The following PDIA5 variants were observed in gnomAD, a reference collection of about 807,000 sequenced individuals.
The protein encoded by PDIA5 is protein disulfide-isomerase A5.
A neutral mutation model predicts 77.6 loss-of-function variants in PDIA5; 58 were observed. The observed-to-expected ratio is 0.75, with a 90% CI of 0.61 to 0.93. The LOEUF is 0.93. PDIA5 is among the 40% of genes least tolerant of loss of function. The pLI, the probability that PDIA5 is intolerant of heterozygous loss-of-function variation, is 0.00. For synonymous variants in PDIA5, 250 were observed against 252.1 expected (o/e 0.99, Z 0.08); for missense variants, 630 against 647.7 (o/e 0.97, Z 0.30).
intron 2 of PDIA5, among the ~76,000 whole-genome samples, chr3:123,090,996 C>T (rs1347310285): frequency 1.3e-5 from 2 of 152,178 alleles, no homozygotes; most frequent in East Asian, 1.9e-4. Context: ...CCCATCCTTC[C>T]AAGCAGTGCC....
At chr3:123,110,135 A>C (rs1026483406) in intron 6 of PDIA5, among the ~76,000 whole-genome samples, 1 of 152,142 alleles carries the variant, frequency 6.6e-6, no homozygotes, top group African/African-American at 2.4e-5. Context: ...TTTCCCATCC[A>C]TCATTGGCTC....
At position 123,146,303 on chromosome 3, in the gene PDIA5, C is replaced by T. The variant is rs540743966; in HGVS notation, c.1142+44C>T. 70 of 1,562,652 alleles carry T rather than the reference C, an allele frequency of 4.5e-5. 1 individual carries two copies. Among genetic ancestry groups the T allele is most frequent in the Admixed American group, 1.7e-4 (10 of 58,632 alleles). ...GTAGCACATCCTAACTGCCAGCTGG[C>T]GGCCCCTGGAGACCACCTTGAGGAG... On this transcript the variant is annotated intron_variant, in intron 13 of 16. Coordinates refer to ENST00000316218, the MANE Select transcript of PDIA5 (RefSeq NM_006810.4).
At chr3:123,132,775 C>A (rs959398882) in intron 11 of PDIA5, among the ~76,000 whole-genome samples, 2 of 152,304 alleles carry the variant, frequency 1.3e-5, no homozygotes, top group East Asian at 3.9e-4. Flanking sequence ...CTGTCCCAGC[C>A]GTGACAGCAG....
intron 6 of PDIA5, among the ~76,000 whole-genome samples, chr3:123,109,226 T>C (rs1469264344): frequency 6.6e-6 from 1 of 152,236 alleles, no homozygotes; most frequent in African/African-American, 2.4e-5. Flanking sequence ...ACATAAATAA[T>C]GAAAAGTTCC....
intron 13 of PDIA5, 150 bp downstream of exon 13, chr3:123,146,409 C>G (rs1418565760): frequency 3.1e-6 from 2 of 650,416 alleles, no homozygotes; most frequent in Non-Finnish European, 5.3e-6. Flanking sequence ...ACCCTAAAAC[C>G]ACCGTTCATA....
intron 15 of PDIA5, among the ~76,000 whole-genome samples, chr3:123,158,789 T>C (rs1438048341): frequency 1.3e-5 from 2 of 152,090 alleles, no homozygotes; most frequent in Non-Finnish European, 2.9e-5. Context: ...AATTGAGAAA[T>C]CGTAGGTGTT....
chr3:123,114,936 G>A (rs1362467832), intron 7 of PDIA5, among the ~76,000 whole-genome samples: 1 of 152,220 alleles, frequency 6.6e-6, no homozygotes, highest in East Asian at 1.9e-4. Flanking sequence ...GGGCTGTGGG[G>A]CAGTTTTGGA....
At position 123,150,291 on chromosome 3, in the gene PDIA5, G is replaced by A. The variant is rs977612087; in HGVS notation, c.1200G>A (p.Leu400=). Reference sequence around the variant, plus strand: ...GGGAAGAGCAGCAGACAAGCGTGTTGCACCTGGTGGGGGACAACTTCCGGG... The same window carrying A: ...GGGAAGAGCAGCAGACAAGCGTGTTACACCTGGTGGGGGACAACTTCCGGG... The part of the protein sequence containing the change: ...PTWEEQQTSV[L]HLVGDNFRET... The change falls in exon 14 of 17, where the codon TTG becomes TTA. Residue 400 remains leucine (L), a synonymous_variant. Transcript: ENST00000316218. 6.2e-7 allele frequency: 1 copy of A among 1,613,758 alleles called. No individual in the cohort carries two copies. The highest frequency in any genetic ancestry group is 1.7e-5 in the Admixed American group (1 of 59,994).
rs78189397 is a variant in PDIA5 at position 123,112,241 on chromosome 3, G to T, written c.541+1237G>T. ...CAGCAGTGTCAGTGTTTCCCTGAAGGCTGAGCAACAGAGGGGTTGTATATG... is the reference window on the plus strand; with the variant it reads ...CAGCAGTGTCAGTGTTTCCCTGAAGTCTGAGCAACAGAGGGGTTGTATATG... On this transcript the variant is annotated intron_variant, in intron 7 of 16. Coordinates refer to ENST00000316218, the MANE Select transcript of PDIA5 (RefSeq NM_006810.4). Among the ~76,000 whole-genome samples, 663 of 152,312 alleles carry T rather than the reference G, an allele frequency of 4.4e-3. 6 individuals carry two copies. The highest frequency in any genetic ancestry group is 0.015 in the African/African-American group (615 of 41,570).
intron 11 of PDIA5, among the ~76,000 whole-genome samples, chr3:123,141,245 A>G (rs1935626997): frequency 6.6e-6 from 1 of 152,138 alleles, no homozygotes; most frequent in Non-Finnish European, 1.5e-5. Flanking sequence ...GGGCCCTGCC[A>G]GCAGCTGGCC....
chr3:123,132,132 C>T (rs972828918), intron 11 of PDIA5, among the ~76,000 whole-genome samples: 2 of 152,172 alleles, frequency 1.3e-5, no homozygotes, highest in Non-Finnish European at 2.9e-5. Context: ...CAATTAGCCC[C>T]ATTTTACAGA....
Position 123,161,872 on chromosome 3 carries a change from C to T in PDIA5, c.1480-8C>T. Reference sequence around the variant, plus strand: ...CTTTCTCTCTCTCTCTCTCCCACTTCCCTGCAGGAATTGGGATTTACCAAT... The same window carrying T: ...CTTTCTCTCTCTCTCTCTCCCACTTTCCTGCAGGAATTGGGATTTACCAAT... On this transcript the variant is annotated splice_region_variant and splice_polypyrimidine_tract_variant and intron_variant, in intron 16 of 16. Coordinates refer to ENST00000316218, the MANE Select transcript of PDIA5 (RefSeq NM_006810.4). 1.3e-6 allele frequency: 2 copies of T among 1,554,220 alleles called. No individual in the cohort carries two copies. The highest frequency in any genetic ancestry group is 1.8e-6 in the Non-Finnish European group (2 of 1,125,778).
rs1334443693 is a variant in PDIA5, at chr3:123,145,484, G to A, written c.911-38G>A. ...GCAGGGGAGCATCCCGAGGGCCTCTGTGCCATAAGAATGGTTTCTCTTGAT... is the reference window on the plus strand; with the variant it reads ...GCAGGGGAGCATCCCGAGGGCCTCTATGCCATAAGAATGGTTTCTCTTGAT... On this transcript the variant is annotated intron_variant, in intron 11 of 16. Coordinates refer to ENST00000316218, the MANE Select transcript of PDIA5 (RefSeq NM_006810.4). The A allele has an allele frequency of 1.9e-6, 3 of 1,565,944 alleles. No individual in the cohort carries two copies. The South Asian group carries it at 3.3e-5, about 17-fold the overall frequency.
At chr3:123,157,954 TAGAG>T (rs1250229874) in intron 15 of PDIA5, among the ~76,000 whole-genome samples, 1 of 152,152 alleles carries the variant, frequency 6.6e-6, no homozygotes, top group Non-Finnish European at 1.5e-5. Context: ...AGGTCACCCT[TAGAG>T]GGAGGCCCTG....
intron 3 of PDIA5, among the ~76,000 whole-genome samples, chr3:123,098,112 A>G (rs1348932378): frequency 1.3e-5 from 2 of 152,124 alleles, no homozygotes; most frequent in African/African-American, 4.8e-5. Context: ...GTGTCAGGAT[A>G]TAAGGCAGCC....
chr3:123,067,059 G>T lies in PDIA5; in HGVS notation c.-106G>T, dbSNP rs894522478. The stretch of plus-strand genomic sequence containing the variant: ...ACCGGGAACTCGGAGGCGGGGAGCG[G>T]CTGGGAAGTGGCCGTGGTGGTTGGC... On this transcript the variant is annotated 5_prime_UTR_variant, in exon 1 of 17. Coordinates refer to ENST00000316218, the MANE Select transcript of PDIA5 (RefSeq NM_006810.4). The T allele has an allele frequency of 8.4e-6, 8 of 954,150 alleles. No individual in the cohort carries two copies. Among genetic ancestry groups the T allele is most frequent in the Admixed American group, 4.3e-5 (1 of 23,354 alleles). The allele number at this position is 954,150 out of a possible 1,614,324, so 59.1% of individuals were successfully genotyped here.
intron 15 of PDIA5, among the ~76,000 whole-genome samples, chr3:123,157,660 T>C (rs1054500171): frequency 6.6e-6 from 1 of 152,190 alleles, no homozygotes; most frequent in African/African-American, 2.4e-5. Flanking sequence ...CCAAAGTCAA[T>C]ATTAGCTCCT....
Position 123,070,102 on chromosome 3 carries a change from AAAG to A in PDIA5, c.42+2914_42+2916del, listed in dbSNP as rs1364578892. ...AAGACTCCATCTCAAAAAAAAAAAA[AAAG>A]AAGAAGAAGAAGAAGAAATATTCAG... On this transcript the variant is annotated intron_variant, in intron 1 of 16. Transcript: ENST00000316218. 4.7e-4 allele frequency among the ~76,000 whole-genome samples: 71 copies of A among 151,876 alleles called. 2 individuals are homozygous for A. The highest frequency in any genetic ancestry group is 2.3e-3 in the South Asian group (11 of 4,802).
chr3:123,118,588 C>T (rs548840028), intron 8 of PDIA5, among the ~76,000 whole-genome samples: 2 of 152,332 alleles, frequency 1.3e-5, no homozygotes, highest in Middle Eastern at 3.4e-3. Context: ...CACGCTGCCA[C>T]AGAGCTCATC....
Sources: allele counts gnomAD v4.1 joint callset (sites outside exome capture counted in the v4.1 genomes callset), GRCh38; gene constraint gnomAD v4.1.1; transcripts MANE v1.5; gene names NCBI Gene and HGNC (gene_info 2026-07-23, HGNC 2026-07-21).